Variants in KHDRBS2 observed in about 807,000 individuals in gnomAD.
KHDRBS2 encodes the protein KH RNA binding domain containing, signal transduction associated 2.
In KHDRBS2, 26 loss-of-function variants were observed where a neutral mutation model predicts 44.3. The ratio of observed to expected loss-of-function variants is 0.59; its 90% CI spans 0.43 to 0.81. KHDRBS2 has a LOEUF of 0.81. KHDRBS2 is among the 40% of genes least tolerant of loss of function. The pLI is 0.00. For missense variants in KHDRBS2, 476 were observed against 433.1 expected, an observed-to-expected ratio of 1.10 and a Z score of -0.88; for synonymous variants, 194 against 151.1, an observed-to-expected ratio of 1.28 and a Z score of -2.08.
chr6:61,982,936 TTGA>T (rs1562579891), intron 3 of KHDRBS2, among the ~76,000 whole-genome samples: 1 of 152,168 alleles, frequency 6.6e-6, no homozygotes. Context: ...ACCATTTGAA[TTGA>T]TGATACTTTT....
the KHDRBS2 span, among the ~76,000 whole-genome samples, chr6:61,653,994 T>C: frequency 8.5e-5 from 13 of 152,114 alleles, no homozygotes; most frequent in Non-Finnish European, 1.8e-4. Flanking sequence ...ATTTACAGGA[T>C]TAATTTAAGC....
At chr6:61,693,043 T>A (rs1355628901) in intron 8 of KHDRBS2, among the ~76,000 whole-genome samples, 4 of 152,142 alleles carry the variant, frequency 2.6e-5, no homozygotes, top group African/African-American at 7.2e-5. Flanking sequence ...AGTGAATGAA[T>A]AACTGGAGAT....
intron 2 of KHDRBS2, among the ~76,000 whole-genome samples, chr6:62,078,256 AATATC>A (rs1479541559): frequency 1.3e-5 from 2 of 152,190 alleles, no homozygotes; most frequent in East Asian, 3.9e-4. Flanking sequence ...TCTTATGATC[AATATC>A]ATAAAATAAT....
At chr6:61,848,497 A>ATG (rs1461464017) in intron 6 of KHDRBS2, among the ~76,000 whole-genome samples, 4 of 59,254 alleles carry the variant, frequency 6.8e-5, no homozygotes, top group East Asian at 3.8e-4. Flanking sequence ...ATATGTATAT[A>ATG]TATATATATA....
chr6:62,140,749 A>G (rs1238243915), intron 2 of KHDRBS2, among the ~76,000 whole-genome samples: 5 of 152,186 alleles, frequency 3.3e-5, no homozygotes, highest in African/African-American at 1.2e-4. Context: ...TAACACTGAT[A>G]TTTAAGTGGC....
the KHDRBS2 span, among the ~76,000 whole-genome samples, chr6:61,672,728 T>G: frequency 6.6e-6 from 1 of 151,884 alleles, no homozygotes; most frequent in Non-Finnish European, 1.5e-5. Context: ...TTGAGTTCAT[T>G]GTAGATTCTG....
At chr6:61,561,470 G>A in the KHDRBS2 span, among the ~76,000 whole-genome samples, 1 of 152,182 alleles carries the variant, frequency 6.6e-6, no homozygotes, top group Admixed American at 6.5e-5. Flanking sequence ...GTTCAGAGAT[G>A]CTGTCTGGGA....
intron 3 of KHDRBS2, among the ~76,000 whole-genome samples, chr6:62,027,023 T>C (rs1426805451): frequency 1.3e-5 from 2 of 151,536 alleles, no homozygotes; most frequent in Non-Finnish European, 2.9e-5. Context: ...TTTTTTTTTT[T>C]CATTTCGAGA....
intron 8 of KHDRBS2, among the ~76,000 whole-genome samples, chr6:61,689,947 T>C (rs373046874): frequency 1.1e-3 from 167 of 152,140 alleles, no homozygotes; most frequent in African/African-American, 3.9e-3. Flanking sequence ...GTGGTGGTGA[T>C]AGTTTTTTAA....
chr6:61,994,535 A>T (rs1021550205), intron 3 of KHDRBS2, among the ~76,000 whole-genome samples: 4 of 152,202 alleles, frequency 2.6e-5, no homozygotes, highest in African/African-American at 9.6e-5. Context: ...ATAAATATTT[A>T]AAATGCACCT....
At chr6:61,852,665 C>T (rs1795621075) in intron 6 of KHDRBS2, among the ~76,000 whole-genome samples, 1 of 151,706 alleles carries the variant, frequency 6.6e-6, no homozygotes, top group African/African-American at 2.4e-5. Flanking sequence ...TTTTTTGTTA[C>T]AGCCTTTATG....
At chr6:62,013,522 A>G (rs1780673453) in intron 3 of KHDRBS2, among the ~76,000 whole-genome samples, 2 of 152,148 alleles carry the variant, frequency 1.3e-5, no homozygotes, top group South Asian at 4.1e-4. Context: ...TTTAATAATT[A>G]TAATATCAAA....
the KHDRBS2 span, among the ~76,000 whole-genome samples, chr6:61,606,994 A>G: frequency 6.6e-6 from 1 of 152,216 alleles, no homozygotes; most frequent in Admixed American, 6.5e-5. Context: ...GGAAATTAAA[A>G]CCATAAAATA....
intron 1 of KHDRBS2, among the ~76,000 whole-genome samples, chr6:62,256,533 C>T (rs1161155106): frequency 6.6e-6 from 1 of 151,996 alleles, no homozygotes; most frequent in Non-Finnish European, 1.5e-5. Flanking sequence ...ATGAGACGTG[C>T]ATTTCACCTT....
chr6:61,565,722 G>A, the KHDRBS2 span, among the ~76,000 whole-genome samples: 4 of 151,948 alleles, frequency 2.6e-5, no homozygotes, highest in Non-Finnish European at 5.9e-5. Flanking sequence ...TGTAAATGTG[G>A]GAGACTATTG....
intron 2 of KHDRBS2, among the ~76,000 whole-genome samples, chr6:62,063,015 A>G (rs1792420559): frequency 1.3e-5 from 2 of 151,004 alleles, no homozygotes; most frequent in African/African-American, 4.9e-5. Flanking sequence ...ATGCAAATAA[A>G]CTAGAAAATC....
At chr6:62,100,487 C>T (rs142916589) in intron 2 of KHDRBS2, among the ~76,000 whole-genome samples, 95 of 152,228 alleles carry the variant, frequency 6.2e-4, no homozygotes, top group African/African-American at 2.2e-3. Flanking sequence ...TCACATGCTA[C>T]AGAGAAACAT....
rs1562520662 is a variant in KHDRBS2 at position 61,955,545 on chromosome 6, C to CGT, written c.483+22520_483+22521insAC. On this transcript the variant is annotated intron_variant, in intron 4 of 8. Coordinates refer to ENST00000281156, the MANE Select transcript of KHDRBS2 (RefSeq NM_152688.4). The stretch of plus-strand genomic sequence containing the variant: ...GTATGTATACATGTGTATATATACA[C>CGT]ATATGTATGTATACATGTGTATATA... Among the ~76,000 whole-genome samples the CGT allele has an allele frequency of 4.4e-5, 2 of 45,784 alleles. 1 individual carries two copies. The highest frequency in any genetic ancestry group is 8.6e-5 in the Non-Finnish European group (2 of 23,146). The allele number at this position is 45,784 out of a possible 152,430, so 30.0% of individuals were successfully genotyped here. A position where few individuals can be genotyped will look rare whatever the true frequency, so the allele number is the denominator to read the frequency against.
intron 2 of KHDRBS2, among the ~76,000 whole-genome samples, chr6:62,120,492 G>C (rs1464507820): frequency 6.6e-6 from 1 of 152,128 alleles, no homozygotes; most frequent in Non-Finnish European, 1.5e-5. Context: ...ATTGGATCCC[G>C]AGGTGGCAGG....
Sources: gnomAD v4.1 joint callset for allele counts (sites outside exome capture counted in the v4.1 genomes callset) on GRCh38, gnomAD v4.1.1 for gene constraint, MANE v1.5 for transcripts, NCBI Gene and HGNC (gene_info 2026-07-23, HGNC 2026-07-21) for gene names.